Variants in RFX2 observed in about 807,000 individuals in gnomAD.
RFX2 encodes DNA-binding protein RFX2.
RFX2 carries 20 observed loss-of-function variants against 87.8 expected under a neutral mutation model. The ratio of observed to expected loss-of-function variants is 0.23; its 90% CI spans 0.16 to 0.33. The LOEUF is 0.33. Among genes scored for constraint, RFX2 ranks in the 10% least tolerant of loss-of-function variants. The pLI, the probability that RFX2 is intolerant of heterozygous loss-of-function variation, is 1.00. For missense variants in RFX2, 767 were observed against 1,012.3 expected (o/e 0.76, Z 3.29); for synonymous variants, 397 against 431.3 (o/e 0.92, Z 0.98).
Position 6,047,947 on chromosome 19 carries a change from A to G in RFX2, c.-8-443T>C, listed in dbSNP as rs2087219118. Among the ~76,000 whole-genome samples the G allele has an allele frequency of 6.6e-6, 1 of 152,254 alleles. No individual in the cohort carries two copies. The highest frequency in any genetic ancestry group is 1.5e-5 in the Non-Finnish European group (1 of 68,040). On this transcript the variant is annotated intron_variant, in intron 1 of 17. Coordinates refer to ENST00000303657, the MANE Select transcript of RFX2 (RefSeq NM_000635.4). This position sits in a 1 kb window ranked among gnomAD's most constrained non-coding sequence, Gnocchi z 4.2. ...AGAAACTCTAAGGCTGGGTTTCCCCACTGTGGCACCGTTGACATTTGAGCT... is the reference window on the plus strand; with the variant it reads ...AGAAACTCTAAGGCTGGGTTTCCCCGCTGTGGCACCGTTGACATTTGAGCT...
Position 6,040,172 on chromosome 19 carries a change from C to T in RFX2, c.330G>A (p.Glu110=). Residue 110 remains glutamate, a synonymous_variant, in exon 5 of 18, where the codon GAG becomes GAA. Coordinates refer to ENST00000303657, the MANE Select transcript of RFX2 (RefSeq NM_000635.4). The surrounding 1 kb of genome is among the most constrained non-coding windows in gnomAD (Gnocchi z 6.1). ...CGGTCACCTGGGCACCGCCTGGGGC[C>T]TCGAAGTAAGAAGCCGTGCTGCTGG... The part of the protein sequence containing the change: ...YAPSSTASYF[E]APGGAQVTVA... 1 of 1,599,040 alleles carries T rather than the reference C, an allele frequency of 6.3e-7. No homozygotes were observed. The highest frequency in any genetic ancestry group is 1.7e-4 in the Middle Eastern group (1 of 5,988).
At position 6,033,184 on chromosome 19, in the gene RFX2, C is replaced by T. The variant is rs866592028; in HGVS notation, c.522+6796G>A. 2.4e-4 allele frequency among the ~76,000 whole-genome samples: 36 copies of T among 152,356 alleles called. 1 individual carries two copies. The highest frequency in any genetic ancestry group is 2.5e-4 in the Non-Finnish European group (17 of 68,040). Reference sequence around the variant, plus strand: ...AGCCACTGCGCACTCTTAACTTCAACACTCTTAACTAATCCACGGACGTTA... The same window carrying T: ...AGCCACTGCGCACTCTTAACTTCAATACTCTTAACTAATCCACGGACGTTA... On this transcript the variant is annotated intron_variant, in intron 5 of 17. Transcript: ENST00000303657.
At chr19:6,086,727 C>T (rs748166349) in intron 1 of RFX2, among the ~76,000 whole-genome samples, 5 of 152,214 alleles carry the variant, frequency 3.3e-5, no homozygotes, top group Non-Finnish European at 7.3e-5. Context: ...GATGCATCCA[C>T]GCACACGGCT....
chr19:6,073,750 C>A (rs923043362), intron 1 of RFX2, among the ~76,000 whole-genome samples: 1 of 152,114 alleles, frequency 6.6e-6, no homozygotes, highest in Non-Finnish European at 1.5e-5. Context: ...GTCAAATTCT[C>A]TTTTTTACCG....
At chr19:6,089,836 G>A (rs2087908470) in intron 1 of RFX2, among the ~76,000 whole-genome samples, 1 of 152,148 alleles carries the variant, frequency 6.6e-6, no homozygotes, top group Non-Finnish European at 1.5e-5. Context: ...TCTTACATGT[G>A]CTGGGGACCT....
rs1006098404 is a variant in RFX2, at chr19:6,023,653, A to T, written c.597+2510T>A. 6.6e-6 allele frequency among the ~76,000 whole-genome samples: 1 copy of T among 152,220 alleles called. No homozygotes were observed. The highest frequency in any genetic ancestry group is 2.4e-5 in the African/African-American group (1 of 41,454). On this transcript the variant is annotated intron_variant, in intron 6 of 17. Transcript: ENST00000303657. The surrounding 1 kb of genome is among the most constrained non-coding windows in gnomAD (Gnocchi z 4.9). The stretch of plus-strand genomic sequence containing the variant: ...AAAAGAAACGAGAGATTTTACCTTC[A>T]GCTCGGGAATACGAATCTTCATCGG...
rs1357542986 is a variant in RFX2 at position 6,007,352 on chromosome 19, CCT to C, written c.1248-188_1248-187del. ...TGCTCCCGGCGCCTCCGTGTTTCCC[CCT>C]GTCCCTCACTGTCCACGCTGTCCCT... On this transcript the variant is annotated intron_variant, in intron 11 of 17. Transcript: ENST00000303657. The surrounding 1 kb of genome is among the most constrained non-coding windows in gnomAD (Gnocchi z 8.2). Among the ~76,000 whole-genome samples the C allele has an allele frequency of 2.0e-5, 3 of 152,154 alleles. No homozygotes were observed. Among genetic ancestry groups the C allele is most frequent in the Non-Finnish European group, 4.4e-5 (3 of 68,026 alleles).
chr19:6,106,795 A>C (rs2088223836), intron 1 of RFX2, among the ~76,000 whole-genome samples: 1 of 148,522 alleles, frequency 6.7e-6, no homozygotes, highest in Non-Finnish European at 1.5e-5. Context: ...TTTTATATTT[A>C]ACATATATTT....
At chr19:6,014,768 G>A (rs557071200) in intron 7 of RFX2, among the ~76,000 whole-genome samples, 9 of 152,232 alleles carry the variant, frequency 5.9e-5, no homozygotes, top group East Asian at 5.8e-4. Context: ...CCTCCTCTAC[G>A]CATCCACATT....
intron 2 of RFX2, among the ~76,000 whole-genome samples, chr19:6,046,743 T>C (rs765097483): frequency 4.0e-5 from 6 of 150,920 alleles, no homozygotes; most frequent in Non-Finnish European, 8.9e-5. Flanking sequence ...CCACAGGACG[T>C]GCACCACTAT....
chr19:6,080,798 G>A (rs2087770013), intron 1 of RFX2, among the ~76,000 whole-genome samples: 1 of 152,156 alleles, frequency 6.6e-6, no homozygotes, highest in South Asian at 2.1e-4. Context: ...AGCATTTTGG[G>A]AGGCTGAGGT....
At position 6,098,722 on chromosome 19, in the gene RFX2, C is replaced by T. The variant is rs150431078; in HGVS notation, c.-9+11671G>A. Among the ~76,000 whole-genome samples the T allele has an allele frequency of 8.9e-3, 1,359 of 152,080 alleles. 6 individuals carry two copies. Among genetic ancestry groups the T allele is most frequent in the Middle Eastern group, 0.078 (23 of 294 alleles). ...AAAAGAGGATTCTGCTTTGGCAGAT[C>T]CAGTGGTAGCAGATCCACGTGTTGG... On this transcript the variant is annotated intron_variant, in intron 1 of 17. Transcript: ENST00000303657.
chr19:6,030,006 C>T (rs1412688676), intron 5 of RFX2, among the ~76,000 whole-genome samples: 2 of 152,168 alleles, frequency 1.3e-5, no homozygotes, highest in African/African-American at 4.8e-5. Flanking sequence ...CACCACCAAG[C>T]TTACCAACAA....
Position 6,039,662 on chromosome 19 carries a change from A to G in RFX2, c.522+318T>C, listed in dbSNP as rs1249878793. On this transcript the variant is annotated intron_variant, in intron 5 of 17. Transcript: ENST00000303657. This position sits in a 1 kb window ranked among gnomAD's most constrained non-coding sequence, Gnocchi z 5.2. Reference sequence around the variant, plus strand: ...AAAGCTTGATAGTAACAACGATAACAATAATAAGAGCAAAGGAGGCTGCAG... The same window carrying G: ...AAAGCTTGATAGTAACAACGATAACGATAATAAGAGCAAAGGAGGCTGCAG... Among the ~76,000 whole-genome samples the G allele has an allele frequency of 6.6e-6, 1 of 152,218 alleles. No homozygotes were observed. Among genetic ancestry groups the G allele is most frequent in the East Asian group, 1.9e-4 (1 of 5,194 alleles).
intron 1 of RFX2, among the ~76,000 whole-genome samples, chr19:6,086,732 A>C (rs957996938): frequency 6.6e-6 from 1 of 152,236 alleles, no homozygotes; most frequent in Admixed American, 6.5e-5. Context: ...ATCCACGCAC[A>C]CGGCTCATTC....
chr19:6,010,143 C>T lies in RFX2; in HGVS notation c.1008G>A (p.Gln336=). 1 of 1,547,028 alleles carries T rather than the reference C, an allele frequency of 6.5e-7. No individual in the cohort carries two copies. The highest frequency in any genetic ancestry group is 8.7e-7 in the Non-Finnish European group (1 of 1,145,038). ...TMAVQSQHHQ[Q]YIDVSHVFPE... ...CCTGACCGGGCCTCTCACCTATGTACTGCTGGTGGTGCTGGCTCTGCACGG... is the reference window on the plus strand; with the variant it reads ...CCTGACCGGGCCTCTCACCTATGTATTGCTGGTGGTGCTGGCTCTGCACGG... Residue 336 remains glutamine (Q), a synonymous_variant, in exon 9 of 18, where the codon CAG becomes CAA. Coordinates refer to ENST00000303657, the MANE Select transcript of RFX2 (RefSeq NM_000635.4). This position sits in a 1 kb window ranked among gnomAD's most constrained non-coding sequence, Gnocchi z 5.0.
Position 6,039,276 on chromosome 19 carries a change from G to C in RFX2, c.522+704C>G, listed in dbSNP as rs2087068389. On this transcript the variant is annotated intron_variant, in intron 5 of 17. Coordinates refer to ENST00000303657, the MANE Select transcript of RFX2 (RefSeq NM_000635.4). The surrounding 1 kb of genome is among the most constrained non-coding windows in gnomAD (Gnocchi z 5.2). The stretch of plus-strand genomic sequence containing the variant: ...GTAAAGATGAAACTACAGCAATAGG[G>C]AACAGATCAGCAGTTGCCAAGGGCT... Among the ~76,000 whole-genome samples, 1 of 152,168 alleles carries C rather than the reference G, an allele frequency of 6.6e-6. No individual in the cohort carries two copies. The highest frequency in any genetic ancestry group is 6.5e-5 in the Admixed American group (1 of 15,270).
intron 1 of RFX2, among the ~76,000 whole-genome samples, chr19:6,052,728 CAGTA>C (rs1347605153): frequency 1.3e-5 from 2 of 152,008 alleles, no homozygotes; most frequent in African/African-American, 4.8e-5. Context: ...AATTAGAAAT[CAGTA>C]AGAAGGTTAG....
Position 6,064,716 on chromosome 19 carries a change from G to T in RFX2, c.-8-17212C>A, listed in dbSNP as rs2087485260. ...GAGGGCAGGGCAACAGGCAGTGCAT[G>T]TTCTTTCCACATCTCCATGACTGAT... On this transcript the variant is annotated intron_variant, in intron 1 of 17. Transcript: ENST00000303657. The surrounding 1 kb of genome is among the most constrained non-coding windows in gnomAD (Gnocchi z 4.8). Among the ~76,000 whole-genome samples the T allele has an allele frequency of 6.6e-6, 1 of 152,206 alleles. No individual in the cohort carries two copies. Among genetic ancestry groups the T allele is most frequent in the Non-Finnish European group, 1.5e-5 (1 of 68,040 alleles).
Sources: gnomAD v4.1 joint callset for allele counts (sites outside exome capture counted in the v4.1 genomes callset) on GRCh38, gnomAD v4.1.1 for gene constraint, Gnocchi (gnomAD v3.1) non-coding constraint, MANE v1.5 for transcripts, NCBI Gene and HGNC (gene_info 2026-07-23, HGNC 2026-07-21) for gene names.